Variants in LPO observed in about 807,000 individuals in gnomAD.
LPO encodes salivary peroxidase.
In LPO, 70 loss-of-function variants were observed where a neutral mutation model predicts 68.4. The observed-to-expected ratio is 1.02, with a 90% CI of 0.84 to 1.25. LPO has a LOEUF of 1.25. Ranked by LOEUF, LPO falls within the 50% of genes most tolerant of loss-of-function variation. The pLI, the probability that LPO is intolerant of heterozygous loss-of-function variation, is 0.00. For missense variants in LPO, 873 were observed against 908.4 expected (o/e 0.96, Z 0.50); for synonymous variants, 360 against 357.6 (o/e 1.01, Z -0.08).
At chr17:58,252,618 C>T (rs1204510244) in intron 8 of LPO, 112 bp downstream of exon 8, 6 of 1,061,500 alleles carry the variant, frequency 5.7e-6, no homozygotes, top group Non-Finnish European at 8.1e-6. Context: ...TGAGCCATTG[C>T]TGTCCCTAGC....
In LPO at chr17:58,252,620, G is replaced by C; in HGVS notation, c.1105+114G>C. 4 of 1,002,196 alleles carry C rather than the reference G, an allele frequency of 4.0e-6. No homozygotes were observed. In the South Asian group the frequency reaches 4.9e-5, roughly 12 times the overall value. 62.1% of individuals were successfully genotyped at this position (1,002,196 alleles called of 1,614,324 possible). ...GAAAAATGCACACTGAGCCATTGCT[G>C]TCCCTAGCAGTGGTCCAGGACTAGC... On this transcript the variant is annotated intron_variant, in intron 8 of 12. Coordinates refer to ENST00000262290, the MANE Select transcript of LPO (RefSeq NM_006151.3).
Position 58,252,099 on chromosome 17 carries a change from C to T in LPO, c.781-83C>T, listed in dbSNP as rs1969968298. 5.4e-6 allele frequency: 7 copies of T among 1,299,546 alleles called. No individual in the cohort carries two copies. The South Asian group carries it at 6.4e-5, about 12-fold the overall frequency. 80.5% of individuals were successfully genotyped at this position (1,299,546 alleles called of 1,614,324 possible). On this transcript the variant is annotated intron_variant, in intron 7 of 12. Coordinates refer to ENST00000262290, the MANE Select transcript of LPO (RefSeq NM_006151.3). The stretch of plus-strand genomic sequence containing the variant: ...TAGGAGGGTGCCATCAGCATCTTTG[C>T]ATCCAGACTTGCCCTGGGGAGAGGT...
In LPO at chr17:58,250,558, C is replaced by A. The variant is rs1229769168; in HGVS notation, c.717C>A (p.Ser239Arg). 6.2e-7 allele frequency: 1 copy of A among 1,614,100 alleles called. No homozygotes were observed. The highest frequency in any genetic ancestry group is 8.5e-7 in the Non-Finnish European group (1 of 1,180,022). Residue 239 changes from serine (S) to arginine (R), a missense_variant, in exon 7 of 13, where the codon AGC becomes AGA. Physicochemically the swap from Ser to Arg is moderately radical, Grantham distance 110 (BLOSUM62 -1). Transcript: ENST00000262290. ...DFAPDTELGSSEYSKAQCDEY... is the reference protein window; with the variant it reads ...DFAPDTELGSREYSKAQCDEY... The stretch of plus-strand genomic sequence containing the variant: ...CCCCTGACACCGAGCTGGGGAGTAG[C>A]GAGTACTCCAAAGCCCAGTGTGATG...
At chr17:58,243,801 T>C in intron 2 of LPO, 193 bp from the exon 3 acceptor site, 1 of 599,430 alleles carries the variant, frequency 1.7e-6, no homozygotes, top group East Asian at 2.8e-5. Context: ...TTGTTGAAGA[T>C]CCAAGAGTAT....
At position 58,244,016 on chromosome 17, in the gene LPO, C is replaced by T; in HGVS notation, c.99C>T (p.Ala33=). 1 of 1,613,684 alleles carries T rather than the reference C, an allele frequency of 6.2e-7. No homozygotes were observed. The highest frequency in any genetic ancestry group is 8.5e-7 in the Non-Finnish European group (1 of 1,179,916). ...TTRAQTTRTS[A]ISDTVSQAKV... is the part of the protein sequence containing the mutation. Reference sequence around the variant, plus strand: ...AAGCGCAGACTACCAGAACCTCTGCCATCTCCGATACTGTGAGTCAGGCCA... The same window carrying T: ...AAGCGCAGACTACCAGAACCTCTGCTATCTCCGATACTGTGAGTCAGGCCA... Residue 33 remains alanine, a synonymous_variant, in exon 3 of 13, where the codon GCC becomes GCT. Coordinates refer to ENST00000262290, the MANE Select transcript of LPO (RefSeq NM_006151.3).
At chr17:58,250,877 G>A in intron 7 of LPO, 1 of 499,540 alleles carries the variant, frequency 2.0e-6, no homozygotes, top group Admixed American at 3.3e-5. Flanking sequence ...AGAACAAAGG[G>A]CCAGTGTGGG....
rs1172316318 is a variant in LPO, at chr17:58,252,481, T to C, written c.1080T>C (p.Thr360=). 6.2e-7 allele frequency: 1 copy of C among 1,612,296 alleles called. No homozygotes were observed. The change falls in exon 8 of 13, where the codon ACT becomes ACC. Residue 360 remains threonine, a synonymous_variant. Coordinates refer to ENST00000262290, the MANE Select transcript of LPO (RefSeq NM_006151.3). The part of the protein sequence containing the change: ...KPSPCEFINT[T]ARVPCFLAGD... ...GCCCCTGTGAGTTCATCAACACCAC[T>C]GCCCGTGTGCCCTGCTTCCTGGCAG...
chr17:58,246,657 G>T (rs981054253), intron 3 of LPO, among the ~76,000 whole-genome samples: 1 of 152,188 alleles, frequency 6.6e-6, no homozygotes, highest in Non-Finnish European at 1.5e-5. Context: ...AGCGCGGCCT[G>T]CCTGCCTTTG....
intron 3 of LPO, among the ~76,000 whole-genome samples, chr17:58,245,768 C>A (rs1969842886): frequency 6.6e-6 from 1 of 152,168 alleles, no homozygotes; most frequent in African/African-American, 2.4e-5. Context: ...CCCAGTATTT[C>A]TGCAAATGTC....
At chr17:58,247,701 A>G in intron 4 of LPO, 63 bp downstream of exon 4, 4 of 1,556,496 alleles carry the variant, frequency 2.6e-6, no homozygotes, top group Non-Finnish European at 2.6e-6. Context: ...GAGAAAGCAG[A>G]GGCCACCCAA....
intron 9 of LPO, among the ~76,000 whole-genome samples, chr17:58,256,180 A>T (rs1427682643): frequency 2.6e-5 from 4 of 152,112 alleles, no homozygotes; most frequent in African/African-American, 9.7e-5. Flanking sequence ...TAAATATTTC[A>T]TTCCTTTTTG....
chr17:58,246,526 G>A (rs570511833), intron 3 of LPO, among the ~76,000 whole-genome samples: 3 of 152,304 alleles, frequency 2.0e-5, no homozygotes, highest in Non-Finnish European at 4.4e-5. Context: ...AGAGCAGGAG[G>A]TGAGTCCCTG....
intron 8 of LPO, 25 bp from the exon 9 acceptor site, chr17:58,254,786 A>G (rs1361718897): frequency 6.2e-7 from 1 of 1,612,474 alleles, no homozygotes; most frequent in South Asian, 1.1e-5. Context: ...GGGAGAATCT[A>G]CCTTCCTGCC....
intron 9 of LPO, among the ~76,000 whole-genome samples, chr17:58,258,735 CGG>C (rs1567821581): frequency 6.6e-6 from 1 of 152,224 alleles, no homozygotes; most frequent in Admixed American, 6.5e-5. Flanking sequence ...AGCATCCTGA[CGG>C]TGTCACCACC....
rs564325929 is a variant in LPO, at chr17:58,249,570, A to C, written c.448A>C (p.Lys150Gln). The C allele has an allele frequency of 9.4e-5, 151 of 1,603,848 alleles. No individual in the cohort carries two copies. In the South Asian group the frequency reaches 1.4e-3, roughly 15 times the overall value. Reference protein sequence around the residue: ...TITGDCNNRRKPALGAANRAL... With the variant: ...TITGDCNNRRQPALGAANRAL... ...CGAGGATCGTGCTGGTTTCAGGAGG[A>C]AGCCTGCGCTGGGCGCCGCCAACAG... The change falls in exon 6 of 13, where the codon AAG (lysine) becomes CAG (glutamine). Residue 150 changes from lysine (K) to glutamine (Q), a missense_variant. Coordinates refer to ENST00000262290, the MANE Select transcript of LPO (RefSeq NM_006151.3).
chr17:58,267,588 CA>C lies in LPO; in HGVS notation c.1931+4del, dbSNP rs771504967. ...CCAGCAGATCCGTGATGGAGACAGGCAAGTGCGTCCTCAGCCAGGGAGGGAA... is the reference window on the plus strand; with the variant it reads ...CCAGCAGATCCGTGATGGAGACAGGCAGTGCGTCCTCAGCCAGGGAGGGAA... On this transcript the variant is annotated splice_donor_region_variant and intron_variant, in intron 12 of 12. Coordinates refer to ENST00000262290, the MANE Select transcript of LPO (RefSeq NM_006151.3). 364 of 1,601,744 alleles carry C rather than the reference CA, an allele frequency of 2.3e-4. No individual in the cohort carries two copies. The highest frequency in any genetic ancestry group is 2.2e-3 in the Admixed American group (129 of 59,336).
Position 58,252,438 on chromosome 17 carries a change from A to G in LPO, c.1037A>G (p.Tyr346Cys), listed in dbSNP as rs202110302. The G allele has an allele frequency of 1.9e-4, 312 of 1,613,920 alleles. No individual in the cohort carries two copies. The highest frequency in any genetic ancestry group is 2.2e-4 in the Non-Finnish European group (265 of 1,180,012). ...VSDHGLPYLP[Y>C]DSKKPSPCEF... is the part of the protein sequence containing the mutation. ...GACCATGGACTACCCTACCTGCCCT[A>G]TGACAGCAAGAAGCCAAGCCCCTGT... The change falls in exon 8 of 13, where the codon TAT becomes TGT. Residue 346 changes from tyrosine to cysteine, a missense_variant. Coordinates refer to ENST00000262290, the MANE Select transcript of LPO (RefSeq NM_006151.3).
In LPO at chr17:58,264,871, C is replaced by T. The variant is rs1300092655; in HGVS notation, c.1416C>T (p.Pro472=). The T allele has an allele frequency of 6.2e-7, 1 of 1,614,144 alleles. No homozygotes were observed. Among genetic ancestry groups the T allele is most frequent in the Non-Finnish European group, 8.5e-7 (1 of 1,180,062 alleles). ...TCCGCTTTGGCCACTTGGAGGTCCC[C>T]TCTAGTATGTTCCGCCTGGATGAGA... ...FAFRFGHLEV[P]SSMFRLDENY... The change falls in exon 10 of 13, where the codon CCC becomes CCT. Residue 472 remains proline, a synonymous_variant. Coordinates refer to ENST00000262290, the MANE Select transcript of LPO (RefSeq NM_006151.3).
chr17:58,245,466 C>G (rs922382453), intron 3 of LPO, among the ~76,000 whole-genome samples: 1 of 152,156 alleles, frequency 6.6e-6, no homozygotes, highest in African/African-American at 2.4e-5. Context: ...GCTCCCAGCT[C>G]TAACCCTCTC....
Sources: gnomAD v4.1 joint callset for allele counts (sites outside exome capture counted in the v4.1 genomes callset) on GRCh38, gnomAD v4.1.1 for gene constraint, MANE v1.5 for transcripts, NCBI Gene and HGNC (gene_info 2026-07-23, HGNC 2026-07-21) for gene names.